ZNF710: variants seen among roughly 807,000 people sequenced by gnomAD.
The protein encoded by ZNF710 is zinc finger protein 710.
Under a neutral mutation model 50.6 loss-of-function variants are expected in ZNF710, and 13 were observed. The ratio of observed to expected loss-of-function variants is 0.26; its 90% CI spans 0.17 to 0.41. The LOEUF is 0.41. Among genes scored for constraint, ZNF710 ranks in the 10% least tolerant of loss-of-function variants. ZNF710 has a pLI of 1.00. For missense variants in ZNF710, 721 were observed against 936.6 expected (o/e 0.77, Z 3.01); for synonymous variants, 383 against 397.0 (o/e 0.96, Z 0.42).
chr15:90,054,733 G>A (rs145314122), intron 1 of ZNF710, among the ~76,000 whole-genome samples: 11 of 152,266 alleles, frequency 7.2e-5, no homozygotes, highest in South Asian at 2.1e-4. Flanking sequence ...TGCTTTTCCC[G>A]TTACACGAAG....
intron 1 of ZNF710, among the ~76,000 whole-genome samples, chr15:90,030,348 A>G (rs1485388560): frequency 6.6e-6 from 1 of 151,256 alleles, no homozygotes; most frequent in East Asian, 1.9e-4. Flanking sequence ...AAAAAAAAAA[A>G]AAAAAGAAAG....
chr15:90,050,844 A>G (rs1042187762), intron 1 of ZNF710, among the ~76,000 whole-genome samples: 2 of 151,822 alleles, frequency 1.3e-5, no homozygotes, highest in African/African-American at 2.4e-5. Context: ...GTGGTTCTTA[A>G]TCTTGTCTCT....
At chr15:90,048,843 C>T (rs1209642312) in intron 1 of ZNF710, among the ~76,000 whole-genome samples, 1 of 152,208 alleles carries the variant, frequency 6.6e-6, no homozygotes, top group African/African-American at 2.4e-5. Flanking sequence ...AAGGGACCCT[C>T]ACAGCCCCAC....
At chr15:90,007,614 C>T (rs1277611169) in intron 1 of ZNF710, among the ~76,000 whole-genome samples, 2 of 151,328 alleles carry the variant, frequency 1.3e-5, no homozygotes, top group African/African-American at 4.9e-5. Flanking sequence ...TAATTGTAAA[C>T]ACTTTATACA....
At chr15:90,060,379 T>C (rs1157587813) in intron 1 of ZNF710, among the ~76,000 whole-genome samples, 1 of 151,610 alleles carries the variant, frequency 6.6e-6, no homozygotes, top group African/African-American at 2.4e-5. Flanking sequence ...TTAGCAAGAC[T>C]CCACCTCTAC....
chr15:90,077,795 C>G (rs1386742301), intron 4 of ZNF710, among the ~76,000 whole-genome samples: 1 of 152,122 alleles, frequency 6.6e-6, no homozygotes, highest in Admixed American at 6.5e-5. Flanking sequence ...GCACACCTAT[C>G]GTCCCAGCTA....
At chr15:90,072,972 G>A (rs1486426750) in intron 2 of ZNF710, 99 bp from the exon 3 acceptor site, 2 of 1,244,834 alleles carry the variant, frequency 1.6e-6, no homozygotes, top group Non-Finnish European at 2.2e-6. Flanking sequence ...GTGTGCCTTT[G>A]TGATGCTATG....
At chr15:90,073,633 T>C (rs1037759029) in intron 3 of ZNF710, among the ~76,000 whole-genome samples, 1 of 151,986 alleles carries the variant, frequency 6.6e-6, no homozygotes, top group African/African-American at 2.4e-5. Context: ...ATGGCTTGTG[T>C]CCCTGTCTCT....
chr15:90,009,563 C>T (rs1898243103), intron 1 of ZNF710, among the ~76,000 whole-genome samples: 1 of 152,032 alleles, frequency 6.6e-6, no homozygotes, highest in Non-Finnish European at 1.5e-5. Context: ...CTTCCCTGGT[C>T]CATTCCCCAT....
intron 1 of ZNF710, among the ~76,000 whole-genome samples, chr15:90,039,487 G>T (rs76490785): frequency 0.019 from 2,826 of 152,256 alleles, 92 homozygotes; most frequent in African/African-American, 0.063. Context: ...CTTGCCCCAC[G>T]ACTGGATGAG....
chr15:90,036,710 A>G (rs745587734), intron 1 of ZNF710, among the ~76,000 whole-genome samples: 39 of 152,194 alleles, frequency 2.6e-4, no homozygotes, highest in Non-Finnish European at 4.9e-4. Context: ...AGATAAGCCC[A>G]AGACACAGTC....
chr15:90,054,196 A>G (rs1156544257), intron 1 of ZNF710, among the ~76,000 whole-genome samples: 1 of 152,116 alleles, frequency 6.6e-6, no homozygotes, highest in African/African-American at 2.4e-5. Flanking sequence ...GAGAGATGAA[A>G]GAGGGAAGAA....
chr15:90,049,048 TAGTG>T (rs1470898584), intron 1 of ZNF710, among the ~76,000 whole-genome samples: 1 of 152,206 alleles, frequency 6.6e-6, no homozygotes, highest in East Asian at 1.9e-4. Context: ...TTTTTAGTGA[TAGTG>T]AGAACATGTC....
At chr15:90,023,202 C>T (rs1417104046) in intron 1 of ZNF710, among the ~76,000 whole-genome samples, 1 of 152,216 alleles carries the variant, frequency 6.6e-6, no homozygotes, top group Non-Finnish European at 1.5e-5. Flanking sequence ...GCTCACACTC[C>T]ATCCATTGAA....
intron 1 of ZNF710, among the ~76,000 whole-genome samples, chr15:90,056,860 A>T (rs867717414): frequency 8.5e-5 from 13 of 152,168 alleles, no homozygotes; most frequent in Middle Eastern, 3.2e-3. Flanking sequence ...AGGCAGGCTC[A>T]TTTCTATAAG....
At chr15:90,078,070 G>T (rs1900636047) in intron 4 of ZNF710, among the ~76,000 whole-genome samples, 1 of 152,060 alleles carries the variant, frequency 6.6e-6, no homozygotes, top group African/African-American at 2.4e-5. Flanking sequence ...AATTAGCCGG[G>T]TATGGTGGCG....
At chr15:90,079,526 G>A in intron 4 of ZNF710, 134 bp from the exon 5 acceptor site, 1 of 1,119,230 alleles carries the variant, frequency 8.9e-7, no homozygotes, top group Non-Finnish European at 1.3e-6. Context: ...TGGGAAGGCT[G>A]AGAGGCAGCT....
At chr15:90,048,632 G>A (rs1355524109) in intron 1 of ZNF710, among the ~76,000 whole-genome samples, 1 of 152,106 alleles carries the variant, frequency 6.6e-6, no homozygotes, top group Non-Finnish European at 1.5e-5. Flanking sequence ...CCAGCTGGCA[G>A]GAGTGTGATC....
chr15:90,024,748 C>T (rs1035765868), intron 1 of ZNF710, among the ~76,000 whole-genome samples: 2 of 152,216 alleles, frequency 1.3e-5, no homozygotes, highest in African/African-American at 4.8e-5. Flanking sequence ...GTAGGTCTCC[C>T]TGCTAGATCA....
Sources: gnomAD v4.1 joint callset for allele counts (sites outside exome capture counted in the v4.1 genomes callset) on GRCh38, gnomAD v4.1.1 for gene constraint, MANE v1.5 for transcripts, NCBI Gene and HGNC (gene_info 2026-07-23, HGNC 2026-07-21) for gene names.